Variants in TAFA5 observed in about 807,000 individuals in gnomAD.
TAFA5 encodes the protein TAFA chemokine like family member 5.
Under a neutral mutation model 15.3 loss-of-function variants are expected in TAFA5, and 6 were observed. That is an observed-to-expected ratio of 0.39 (90% CI 0.21 to 0.77). The LOEUF (loss-of-function observed/expected upper bound fraction) is 0.77. TAFA5 is among the 30% of genes least tolerant of loss of function. The pLI, the probability that TAFA5 is intolerant of heterozygous loss-of-function variation, is 0.41. For missense variants in TAFA5, 161 were observed against 193.1 expected (o/e 0.83, Z 0.98); for synonymous variants, 103 against 80.7 (o/e 1.28, Z -1.48).
In TAFA5 at chr22:48,707,429, G is replaced by A. The variant is rs1402386403; in HGVS notation, c.263-288G>A. Among the ~76,000 whole-genome samples, 17 of 152,162 alleles carry A rather than the reference G, an allele frequency of 1.1e-4. 1 individual carries two copies. The highest frequency in any genetic ancestry group is 1.1e-3 in the Admixed American group (17 of 15,280). ...GTGAGGCAGCCACACTGCAGGAGGGGCCATGGCTCTGCTTCACAGACATGT... is the reference window on the plus strand; with the variant it reads ...GTGAGGCAGCCACACTGCAGGAGGGACCATGGCTCTGCTTCACAGACATGT... On this transcript the variant is annotated intron_variant, in intron 2 of 3. Coordinates refer to ENST00000402357, the MANE Select transcript of TAFA5 (RefSeq NM_001082967.3).
At chr22:48,519,616 C>T (rs1055912726) in intron 1 of TAFA5, among the ~76,000 whole-genome samples, 2 of 151,274 alleles carry the variant, frequency 1.3e-5, no homozygotes, top group Non-Finnish European at 2.9e-5. Context: ...CGGGGACAGG[C>T]GGGAGGCCTG....
intron 2 of TAFA5, among the ~76,000 whole-genome samples, chr22:48,669,372 G>A (rs1028314379): frequency 3.3e-5 from 5 of 152,142 alleles, no homozygotes; most frequent in Non-Finnish European, 2.9e-5. Context: ...GGAGCCCTTG[G>A]CCCCGGGGTA....
At position 48,701,127 on chromosome 22, in the gene TAFA5, C is replaced by T. The variant is rs529736324; in HGVS notation, c.263-6590C>T. 7.9e-5 allele frequency among the ~76,000 whole-genome samples: 12 copies of T among 152,274 alleles called. No homozygotes were observed. In the South Asian group the frequency reaches 1.2e-3, roughly 16 times the overall value. On this transcript the variant is annotated intron_variant, in intron 2 of 3. Transcript: ENST00000402357. ...GTCCCACTTCAGTGGGTGCCCGAGG[C>T]GGCACACAGCTCGAGTGGGTGTCTC...
At chr22:48,739,923 G>A (rs1930132756) in intron 3 of TAFA5, among the ~76,000 whole-genome samples, 1 of 152,200 alleles carries the variant, frequency 6.6e-6, no homozygotes, top group African/African-American at 2.4e-5. Context: ...TCAGGACGTT[G>A]AGTCAGCAGA....
intron 1 of TAFA5, among the ~76,000 whole-genome samples, chr22:48,581,690 T>C (rs1252606604): frequency 6.6e-6 from 1 of 152,160 alleles, no homozygotes; most frequent in African/African-American, 2.4e-5. Flanking sequence ...TGTGTGCATA[T>C]GTGTGTGTGT....
chr22:48,555,353 A>C (rs1051932906), intron 1 of TAFA5, among the ~76,000 whole-genome samples: 1 of 152,168 alleles, frequency 6.6e-6, no homozygotes, highest in Non-Finnish European at 1.5e-5. Context: ...CTGTCTCACC[A>C]GCAGAGCAAG....
At chr22:48,587,898 C>G (rs1924420239) in intron 1 of TAFA5, among the ~76,000 whole-genome samples, 1 of 152,246 alleles carries the variant, frequency 6.6e-6, no homozygotes, top group African/African-American at 2.4e-5. Context: ...CCTGAACTTC[C>G]CAGAAGCAGC....
chr22:48,563,611 C>A (rs1457279400), intron 1 of TAFA5, among the ~76,000 whole-genome samples: 1 of 152,216 alleles, frequency 6.6e-6, no homozygotes, highest in Non-Finnish European at 1.5e-5. Flanking sequence ...TGGAGCTCAG[C>A]GCTGCTGGGC....
At chr22:48,691,932 A>T (rs1030184244) in intron 2 of TAFA5, among the ~76,000 whole-genome samples, 4 of 152,072 alleles carry the variant, frequency 2.6e-5, no homozygotes, top group Admixed American at 2.6e-4. Context: ...CCCCCCTTGG[A>T]TGGACTGAGC....
intron 3 of TAFA5, among the ~76,000 whole-genome samples, chr22:48,743,853 T>G (rs1930251191): frequency 6.6e-6 from 1 of 152,242 alleles, no homozygotes; most frequent in Admixed American, 6.5e-5. Context: ...AAACAGATGA[T>G]CCGTCCGCAC....
rs192205657 is a variant in TAFA5, at chr22:48,598,977, C to T, written c.113-47620C>T. Among the ~76,000 whole-genome samples the T allele has an allele frequency of 2.0e-4, 30 of 152,218 alleles. No individual in the cohort carries two copies. The highest frequency in any genetic ancestry group is 4.2e-4 in the South Asian group (2 of 4,812). ...TCCCTGCTTGTTGTAAAGGGTATGA[C>T]GGGCTGTGCCAGCTGGCAGAGGTGC... is the stretch of plus-strand genomic sequence containing the variant. On this transcript the variant is annotated intron_variant, in intron 1 of 3. Coordinates refer to ENST00000402357, the MANE Select transcript of TAFA5 (RefSeq NM_001082967.3). This position sits in a 1 kb window ranked among gnomAD's most constrained non-coding sequence, Gnocchi z 4.0.
intron 3 of TAFA5, among the ~76,000 whole-genome samples, chr22:48,732,481 C>A (rs930142574): frequency 1.3e-5 from 2 of 152,148 alleles, no homozygotes; most frequent in South Asian, 2.1e-4. Context: ...TGGTCTCGAT[C>A]TCCTAACCTC....
intron 1 of TAFA5, among the ~76,000 whole-genome samples, chr22:48,599,619 C>T (rs1361849039): frequency 1.3e-5 from 2 of 152,220 alleles, no homozygotes; most frequent in African/African-American, 4.8e-5. Flanking sequence ...GTGCCAGGAG[C>T]GGGATGCATT....
chr22:48,585,061 AT>A (rs1455165448), intron 1 of TAFA5, among the ~76,000 whole-genome samples: 7 of 135,822 alleles, frequency 5.2e-5, no homozygotes, highest in South Asian at 2.4e-4. Context: ...TCACAAAAAC[AT>A]CACACACACA....
chr22:48,725,140 T>A (rs967206673), intron 3 of TAFA5, among the ~76,000 whole-genome samples: 1 of 152,356 alleles, frequency 6.6e-6, no homozygotes. Flanking sequence ...CCTGTGAAGA[T>A]GAAGGCCTGC....
At chr22:48,540,013 G>T (rs980124085) in intron 1 of TAFA5, among the ~76,000 whole-genome samples, 2 of 152,140 alleles carry the variant, frequency 1.3e-5, no homozygotes, top group African/African-American at 4.8e-5. Flanking sequence ...GGATTGGGGG[G>T]TTGGGAGTGG....
intron 1 of TAFA5, among the ~76,000 whole-genome samples, chr22:48,626,118 C>T (rs73173471): frequency 0.035 from 5,360 of 152,266 alleles, 143 homozygotes; most frequent in South Asian, 0.1. Context: ...TGGTTGCTTC[C>T]AGTTTGGGGT....
chr22:48,542,975 G>GTGTGTGATGTGTGTGGTGTGTAT (rs1922516567), intron 1 of TAFA5, among the ~76,000 whole-genome samples: 1 of 151,666 alleles, frequency 6.6e-6, no homozygotes, highest in South Asian at 2.1e-4. Context: ...GTGGTGTGTA[G>GTGTGTGATGTGTGTGGTGTGTAT]TGTGTGATGT....
chr22:48,590,237 C>G (rs779459695), intron 1 of TAFA5, among the ~76,000 whole-genome samples: 1 of 152,184 alleles, frequency 6.6e-6, no homozygotes, highest in South Asian at 2.1e-4. Context: ...CCGAGGAGAT[C>G]GGGGTTGGGG....
Sources: allele counts gnomAD v4.1 joint callset (sites outside exome capture counted in the v4.1 genomes callset), GRCh38; gene constraint gnomAD v4.1.1; non-coding constraint Gnocchi (gnomAD v3.1); transcripts MANE v1.5; gene names NCBI Gene and HGNC (gene_info 2026-07-23, HGNC 2026-07-21).